INIP: variants seen among roughly 807,000 people sequenced by gnomAD.
The protein encoded by INIP is SOSS complex subunit C.
A neutral mutation model predicts 14.0 loss-of-function variants in INIP; 9 were observed. That is an observed-to-expected ratio of 0.64 (90% CI 0.39 to 1.12). The LOEUF (loss-of-function observed/expected upper bound fraction) is 1.12. INIP is among the 50% of genes most tolerant of loss of function. INIP has a pLI of 0.01. For synonymous variants in INIP, 37 were observed against 41.5 expected, an observed-to-expected ratio of 0.89 and a Z score of 0.41; for missense variants, 78 against 122.7, an observed-to-expected ratio of 0.64 and a Z score of 1.72.
intron 2 of INIP, among the ~76,000 whole-genome samples, chr9:112,700,977 A>T (rs1431312756): frequency 6.6e-6 from 1 of 152,162 alleles, no homozygotes; most frequent in Non-Finnish European, 1.5e-5. Flanking sequence ...AAACAGATAT[A>T]TATATATAAA....
Position 112,684,006 on chromosome 9 carries a change from CA to C in INIP, c.*3531del, listed in dbSNP as rs1385399783. On this transcript the variant is annotated 3_prime_UTR_variant, in exon 5 of 5. Transcript: ENST00000374242. Reference sequence around the variant, plus strand: ...ATCTGCATTATTTAGAAGCGGCTTTCAAAACTTTTTTTGCCATAACTCACAG... The same window carrying C: ...ATCTGCATTATTTAGAAGCGGCTTTCAAACTTTTTTTGCCATAACTCACAG... The C allele has an allele frequency of 2.0e-5, 3 of 152,024 alleles. No individual in the cohort carries two copies. The highest frequency in any genetic ancestry group is 7.3e-5 in the African/African-American group (3 of 41,366). The allele number at this position is 152,024 out of a possible 1,614,324, so 9.4% of individuals were successfully genotyped here. A position where few individuals can be genotyped will look rare whatever the true frequency, so the allele number is the denominator to read the frequency against.
intron 2 of INIP, among the ~76,000 whole-genome samples, chr9:112,715,838 T>A (rs1373698764): frequency 3.3e-5 from 5 of 152,040 alleles, no homozygotes; most frequent in Admixed American, 6.5e-5. Context: ...TTAAAATTTT[T>A]AATTTTTTTT....
chr9:112,708,553 G>A (rs536127225), intron 2 of INIP, among the ~76,000 whole-genome samples: 1 of 152,296 alleles, frequency 6.6e-6, no homozygotes, highest in Admixed American at 6.5e-5. Flanking sequence ...GGTTCTTGCA[G>A]TTAAATATGC....
At chr9:112,715,129 T>TACATACAC (rs1404491250) in intron 2 of INIP, among the ~76,000 whole-genome samples, 19 of 100,912 alleles carry the variant, frequency 1.9e-4, no homozygotes, top group Non-Finnish European at 2.9e-4. Flanking sequence ...CATACATACA[T>TACATACAC]ACATACACAC....
chr9:112,687,433 T>C lies in INIP; in HGVS notation c.*105A>G. 1.5e-6 allele frequency: 1 copy of C among 669,346 alleles called. No homozygotes were observed. Among genetic ancestry groups the C allele is most frequent in the Non-Finnish European group, 2.6e-6 (1 of 379,510 alleles). 41.5% of individuals were successfully genotyped at this position (669,346 alleles called of 1,614,324 possible). On this transcript the variant is annotated 3_prime_UTR_variant, in exon 5 of 5. Coordinates refer to ENST00000374242, the MANE Select transcript of INIP (RefSeq NM_021218.3). ...CTTTCTTTCAGACAAACAAAAAATA[T>C]CAAAGTTCACCAAAATTCTTAAAGT...
At chr9:112,689,494 C>T in intron 4 of INIP, 33 bp downstream of exon 4, 1 of 1,560,948 alleles carries the variant, frequency 6.4e-7, no homozygotes, top group Non-Finnish European at 8.8e-7. Context: ...AGGAAACCTC[C>T]ACCGAGGCAA....
chr9:112,710,413 C>T (rs369484430), intron 2 of INIP, among the ~76,000 whole-genome samples: 24 of 152,306 alleles, frequency 1.6e-4, no homozygotes, highest in African/African-American at 5.8e-4. Context: ...CAATCCAATG[C>T]CATCACATCA....
intron 2 of INIP, among the ~76,000 whole-genome samples, chr9:112,712,943 A>G (rs182685124): frequency 6.6e-5 from 10 of 152,342 alleles, no homozygotes; most frequent in Middle Eastern, 3.4e-3. Flanking sequence ...AAATACAAAG[A>G]GATAATCCTA....
At chr9:112,698,870 A>G (rs1035205882) in intron 2 of INIP, among the ~76,000 whole-genome samples, 2 of 152,228 alleles carry the variant, frequency 1.3e-5, no homozygotes, top group African/African-American at 4.8e-5. Context: ...CTTTCCCTCC[A>G]GATACAGACG....
chr9:112,696,392 C>T (rs1195419635), intron 2 of INIP, among the ~76,000 whole-genome samples: 1 of 152,118 alleles, frequency 6.6e-6, no homozygotes, highest in Admixed American at 6.6e-5. Context: ...CGAGAGAAGT[C>T]TTCTACTCAA....
intron 2 of INIP, among the ~76,000 whole-genome samples, chr9:112,704,995 C>T (rs936918416): frequency 1.3e-5 from 2 of 150,776 alleles, no homozygotes; most frequent in African/African-American, 2.4e-5. Context: ...CTTGTGGTCC[C>T]AGTTACTCAG....
At chr9:112,714,733 T>C (rs1040506448) in intron 2 of INIP, among the ~76,000 whole-genome samples, 1 of 152,226 alleles carries the variant, frequency 6.6e-6, no homozygotes, top group African/African-American at 2.4e-5. Flanking sequence ...ATTAATAATA[T>C]AAAGGATGTT....
intron 2 of INIP, among the ~76,000 whole-genome samples, chr9:112,698,295 C>G (rs1041262895): frequency 4.5e-4 from 52 of 115,236 alleles, no homozygotes; most frequent in African/African-American, 1.6e-3. Context: ...CAGAGCGAGA[C>G]TCTGTCTCAA....
At chr9:112,698,853 T>G (rs1838192217) in intron 2 of INIP, among the ~76,000 whole-genome samples, 1 of 152,340 alleles carries the variant, frequency 6.6e-6, no homozygotes, top group Non-Finnish European at 1.5e-5. Context: ...TCTCATATAA[T>G]AGCCTTCTTT....
chr9:112,711,029 A>G lies in INIP; in HGVS notation c.25+5432T>C, dbSNP rs188361424. Among the ~76,000 whole-genome samples, 979 of 151,550 alleles carry G rather than the reference A, an allele frequency of 6.5e-3. 15 individuals are homozygous for G. The highest frequency in any genetic ancestry group is 0.022 in the African/African-American group (927 of 41,314). On this transcript the variant is annotated intron_variant, in intron 2 of 4. Coordinates refer to ENST00000374242, the MANE Select transcript of INIP (RefSeq NM_021218.3). ...CCCTGTTTCTACAGGAAAAAAAAAA[A>G]GAAAAAAAATTAGCCAGGCGTGGTA...
chr9:112,698,175 G>A (rs1332325126), intron 2 of INIP, among the ~76,000 whole-genome samples: 7 of 151,896 alleles, frequency 4.6e-5, no homozygotes, highest in Admixed American at 3.3e-4. Flanking sequence ...GTGGTGGCGC[G>A]TGCCTGTAGT....
At chr9:112,702,410 A>G (rs931777336) in intron 2 of INIP, among the ~76,000 whole-genome samples, 5 of 152,270 alleles carry the variant, frequency 3.3e-5, no homozygotes, top group Middle Eastern at 6.8e-3. Flanking sequence ...ACTTCTATAA[A>G]TTATTTTTTA....
In INIP at chr9:112,689,617, G is replaced by A; in HGVS notation, c.129C>T (p.Ser43=). ...NQSSTNHPGA[S]IALSRPSLNK... is the part of the protein sequence containing the mutation. ...TAAGAGAGGGTCTCGAGAGTGCAAT[G>A]CTAAAATGGGAATCTTGGTTACTCA... The change falls in exon 4 of 5, where the codon AGC becomes AGT. Residue 43 remains serine (S), a splice_region_variant and synonymous_variant. Transcript: ENST00000374242. The A allele has an allele frequency of 1.9e-6, 3 of 1,612,380 alleles. No individual in the cohort carries two copies. The highest frequency in any genetic ancestry group is 2.5e-6 in the Non-Finnish European group (3 of 1,178,374).
chr9:112,708,133 GAAAT>G lies in INIP; in HGVS notation c.25+8324_25+8327del, dbSNP rs533391656. 1.7e-3 allele frequency among the ~76,000 whole-genome samples: 266 copies of G among 152,314 alleles called. 2 individuals carry two copies. The highest frequency in any genetic ancestry group is 5.8e-3 in the African/African-American group (241 of 41,574). On this transcript the variant is annotated intron_variant, in intron 2 of 4. Transcript: ENST00000374242. ...AATTAAAATCTAACATGAGTAGTCT[GAAAT>G]AAAGAAACCATTTGATGAGCATTTA...
Sources: gnomAD v4.1 joint callset for allele counts (sites outside exome capture counted in the v4.1 genomes callset) on GRCh38, gnomAD v4.1.1 for gene constraint, MANE v1.5 for transcripts, NCBI Gene and HGNC (gene_info 2026-07-23, HGNC 2026-07-21) for gene names.